BSN: variants seen among roughly 807,000 people sequenced by gnomAD.
BSN encodes the protein bassoon presynaptic cytomatrix protein.
A neutral mutation model predicts 264.8 loss-of-function variants in BSN; 57 were observed. That is an observed-to-expected ratio of 0.22 (90% CI 0.17 to 0.27). The LOEUF is 0.27. BSN is among the 10% of genes least tolerant of loss of function. BSN has a pLI of 1.00. For synonymous variants in BSN, 2,059 were observed against 2,137.3 expected (o/e 0.96, Z 1.01); for missense variants, 4,615 against 5,232.5 (o/e 0.88, Z 3.64).
chr3:49,589,967 A>G (rs533913538), intron 1 of BSN, among the ~76,000 whole-genome samples: 1 of 151,610 alleles, frequency 6.6e-6, no homozygotes, highest in South Asian at 2.1e-4. Flanking sequence ...CCTCCTGAGG[A>G]GATGGGACTA....
At chr3:49,584,167 G>T (rs143059268) in intron 1 of BSN, among the ~76,000 whole-genome samples, 238 of 152,188 alleles carry the variant, frequency 1.6e-3, no homozygotes, top group African/African-American at 5.2e-3. Flanking sequence ...TTACAGACGT[G>T]AGCCACCACG....
Position 49,661,309 on chromosome 3 carries a change from A to G in BSN, c.9464A>G (p.Gln3155Arg), listed in dbSNP as rs747357353. 2 of 1,613,956 alleles carry G rather than the reference A, an allele frequency of 1.2e-6. No individual in the cohort carries two copies. Among genetic ancestry groups the G allele is most frequent in the Non-Finnish European group, 1.7e-6 (2 of 1,180,042 alleles). ...PRQTSLADLE[Q>R]KVPTNYEVIA... ...CAGACATCGCTAGCCGACTTGGAGC[A>G]GAAGGTGCCCACCAACTATGAGGTG... is the stretch of plus-strand genomic sequence containing the variant. The change falls in exon 6 of 12, where the codon CAG becomes CGG. Residue 3155 changes from glutamine to arginine, a missense_variant. Around this residue, in one of 3 missense-constraint regions of BSN, gnomAD observed 3,415 missense variants for 3,866.4 expected, o/e 0.88. Coordinates refer to ENST00000296452, the MANE Select transcript of BSN (RefSeq NM_003458.4).
intron 1 of BSN, among the ~76,000 whole-genome samples, chr3:49,605,935 T>C (rs796584358): frequency 0.51 from 43,745 of 86,504 alleles, 12,005 homozygotes; most frequent in East Asian, 0.93. Flanking sequence ...TAAAATCTAT[T>C]TATATATAAA....
In BSN at chr3:49,657,604, G is replaced by C. The variant is rs1278743851; in HGVS notation, c.8048G>C (p.Arg2683Thr). 6.2e-7 allele frequency: 1 copy of C among 1,609,950 alleles called. No individual in the cohort carries two copies. Residue 2683 changes from arginine (R) to threonine (T), a missense_variant, in exon 5 of 12, where the codon AGG (arginine) becomes ACG (threonine). By Grantham distance (71) the Arg-to-Thr change is moderately conservative. This residue lies in a region of BSN where 3,415 missense variants were observed against 3,866.4 expected (regional missense o/e 0.88). Transcript: ENST00000296452. ...CAGACGGAGCCTGACCAGCTGCCCA[G>C]GGTCTCTCCAGCCATCCACATCACA... ...SVQTEPDQLP[R>T]VSPAIHITAA...
chr3:49,567,403 C>T (rs2051760397), intron 1 of BSN, among the ~76,000 whole-genome samples: 1 of 152,212 alleles, frequency 6.6e-6, no homozygotes, highest in Admixed American at 6.5e-5. Flanking sequence ...AACTCAGTAG[C>T]TTCAAATAGC....
In BSN at chr3:49,625,245, C is replaced by T. The variant is rs1364285686; in HGVS notation, c.495C>T (p.Pro165=). Residue 165 remains proline (P), a synonymous_variant, in exon 2 of 12, where the codon CCC becomes CCT. Coordinates refer to ENST00000296452, the MANE Select transcript of BSN (RefSeq NM_003458.4). This position sits in a 1 kb window ranked among gnomAD's most constrained non-coding sequence, Gnocchi z 4.4. ...PYSVPQIAPL[P]SSTLCPICKT... ...CCGTCCCTCAGATCGCCCCCCTTCC[C>T]AGCAGCACGCTGTGTCCCATATGCA... 1.9e-6 allele frequency: 3 copies of T among 1,598,546 alleles called. No individual in the cohort carries two copies. The highest frequency in any genetic ancestry group is 2.6e-6 in the Non-Finnish European group (3 of 1,172,894).
intron 8 of BSN, 75 bp downstream of exon 8, chr3:49,663,961 C>T (rs2052689412): frequency 7.2e-7 from 1 of 1,380,872 alleles, no homozygotes; most frequent in Admixed American, 1.9e-5. Flanking sequence ...CACCTGTGCC[C>T]TGAGCTCCCC....
chr3:49,571,201 T>A (rs367825495), intron 1 of BSN, among the ~76,000 whole-genome samples: 1 of 151,604 alleles, frequency 6.6e-6, no homozygotes. Flanking sequence ...CAATAGAGAG[T>A]TAAGAGCACT....
intron 1 of BSN, among the ~76,000 whole-genome samples, chr3:49,593,091 C>G (rs932084417): frequency 4.6e-5 from 7 of 152,182 alleles, no homozygotes; most frequent in African/African-American, 1.7e-4. Context: ...AACCACAAAT[C>G]TATCCTCCAT....
At chr3:49,563,455 T>C (rs1480411698) in intron 1 of BSN, among the ~76,000 whole-genome samples, 1 of 152,180 alleles carries the variant, frequency 6.6e-6, no homozygotes, top group African/African-American at 2.4e-5. Context: ...GAGCTGGGGT[T>C]GGCAAACGCT....
At chr3:49,671,615 G>A (rs1054189114), downstream of BSN, 1 of 152,482 alleles carries the variant, frequency 6.6e-6, no homozygotes, top group African/African-American at 2.4e-5. This position sits in a 1 kb window ranked among gnomAD's most constrained non-coding sequence, Gnocchi z 4.1. Context: ...CCCCAAATTT[G>A]CGACAATCCT....
At chr3:49,617,064 GA>G (rs2052264401) in intron 1 of BSN, among the ~76,000 whole-genome samples, 1 of 152,130 alleles carries the variant, frequency 6.6e-6, no homozygotes, top group Non-Finnish European at 1.5e-5. Context: ...CTGAAAGGAA[GA>G]AAAGCTGGTA....
chr3:49,624,300 C>CTGTTTTTTTTTTT (rs2052326416), intron 1 of BSN, among the ~76,000 whole-genome samples: 2 of 67,184 alleles, frequency 3.0e-5, no homozygotes, highest in Non-Finnish European at 5.4e-5. Flanking sequence ...CGTGCCCAGC[C>CTGTTTTTTTTTTT]TTTTTTTTTT....
chr3:49,664,381 C>T, intron 8 of BSN, 42 bp from the exon 9 acceptor site: 1 of 1,613,356 alleles, frequency 6.2e-7, no homozygotes, highest in Non-Finnish European at 8.5e-7. Flanking sequence ...CCTAAAGAGC[C>T]AGGCCGTGCA....
At position 49,554,670 on chromosome 3, in the gene BSN, C is replaced by G; in HGVS notation, c.68C>G (p.Pro23Arg). 2.0e-6 allele frequency: 2 copies of G among 1,000,482 alleles called. No individual in the cohort carries two copies. The highest frequency in any genetic ancestry group is 8.9e-5 in the South Asian group (2 of 22,454). The allele number at this position is 1,000,482 out of a possible 1,614,324, so 62.0% of individuals were successfully genotyped here. ...CCGCTGCCGCCCGGCGGCGCCGGCC[C>G]CGGCCCGGGCCCCGGCCCCGGCCCC... ...DGPLPPGGAG[P>R]GPGPGPGPGA... Residue 23 changes from proline (P) to arginine (R), a missense_variant, in exon 1 of 12, where the codon CCC (proline) becomes CGC (arginine). By Grantham distance (103) the Pro-to-Arg change is moderately radical (BLOSUM62 -2). Coordinates refer to ENST00000296452, the MANE Select transcript of BSN (RefSeq NM_003458.4).
Position 49,671,063 on chromosome 3 carries a change from C to G in BSN, c.*3578C>G, listed in dbSNP as rs188832396. ...TCCCTGGGTGCCAGCAGCCCTGCTG[C>G]CATGTGCACTGGGGTGGCACTGGAG... On this transcript the variant is annotated 3_prime_UTR_variant, in exon 12 of 12. Transcript: ENST00000296452. The surrounding 1 kb of genome is among the most constrained non-coding windows in gnomAD (Gnocchi z 4.1). The G allele has an allele frequency of 1.3e-5, 2 of 152,376 alleles. No individual in the cohort carries two copies. The highest frequency in any genetic ancestry group is 1.3e-4 in the Admixed American group (2 of 15,304). 9.4% of individuals were successfully genotyped at this position (152,376 alleles called of 1,614,324 possible). A position where few individuals can be genotyped will look rare whatever the true frequency, so the allele number is the denominator to read the frequency against.
At chr3:49,599,964 C>A (rs1439166881) in intron 1 of BSN, among the ~76,000 whole-genome samples, 1 of 152,172 alleles carries the variant, frequency 6.6e-6, no homozygotes, top group Non-Finnish European at 1.5e-5. Flanking sequence ...GTGAGGGAGT[C>A]CTGCTGTGTG....
intron 1 of BSN, among the ~76,000 whole-genome samples, chr3:49,562,355 A>G (rs1190997580): frequency 1.3e-5 from 2 of 152,236 alleles, no homozygotes; most frequent in African/African-American, 2.4e-5. Context: ...AAGAAGGAGC[A>G]TAAAATAGGC....
In BSN at chr3:49,606,018, ATATATT is replaced by A. The variant is rs1203318135; in HGVS notation, c.225-18951_225-18946del. On this transcript the variant is annotated intron_variant, in intron 1 of 11. Coordinates refer to ENST00000296452, the MANE Select transcript of BSN (RefSeq NM_003458.4). The stretch of plus-strand genomic sequence containing the variant: ...TATATATTTATATATACATAGAAAT[ATATATT>A]TATATACATAATATATTATATTATA... Among the ~76,000 whole-genome samples, 724 of 93,338 alleles carry A rather than the reference ATATATT, an allele frequency of 7.8e-3. 10 individuals carry two copies. The highest frequency in any genetic ancestry group is 0.031 in the African/African-American group (702 of 22,688). The allele number at this position is 93,338 out of a possible 152,430, so 61.2% of individuals were successfully genotyped here.
Sources: allele counts gnomAD v4.1 joint callset (sites outside exome capture counted in the v4.1 genomes callset), GRCh38; gene constraint gnomAD v4.1.1; regional missense constraint gnomAD v4.1.1; non-coding constraint Gnocchi (gnomAD v3.1); transcripts MANE v1.5; gene names NCBI Gene and HGNC (gene_info 2026-07-23, HGNC 2026-07-21).